TMEM8B: variants seen among roughly 807,000 people sequenced by gnomAD.
The protein encoded by TMEM8B is transmembrane protein 8B.
A neutral mutation model predicts 49.3 loss-of-function variants in TMEM8B; 29 were observed. That is an observed-to-expected ratio of 0.59 (90% CI 0.44 to 0.80). The LOEUF (loss-of-function observed/expected upper bound fraction) is 0.80, where lower values mean the gene tolerates loss of function less well. Ranked by LOEUF, TMEM8B falls within the 30% of genes least tolerant of loss-of-function variation. The pLI, the probability that TMEM8B is intolerant of heterozygous loss-of-function variation, is 0.00. For missense variants in TMEM8B, 575 were observed against 658.5 expected (o/e 0.87, Z 1.39); for synonymous variants, 264 against 272.8 (o/e 0.97, Z 0.32).
At chr9:35,851,721 A>T (rs1396767899) in intron 10 of TMEM8B, among the ~76,000 whole-genome samples, 3 of 152,200 alleles carry the variant, frequency 2.0e-5, no homozygotes, top group Admixed American at 6.5e-5. Flanking sequence ...AAAGGAATCA[A>T]ACCCAAAGTT....
At position 35,841,547 on chromosome 9, in the gene TMEM8B, T is replaced by C. The variant is rs1009178867; in HGVS notation, c.1062T>C (p.Thr354=). 2.4e-6 allele frequency: 1 copy of C among 416,960 alleles called. No individual in the cohort carries two copies. Among genetic ancestry groups the C allele is most frequent in the Non-Finnish European group, 4.4e-6 (1 of 227,174 alleles). The allele number at this position is 416,960 out of a possible 1,614,324, so 25.8% of individuals were successfully genotyped here. The change falls in exon 5 of 13, where the codon ACT becomes ACC. Residue 354 remains threonine (T), a synonymous_variant. Transcript: ENST00000643932. This position sits in a 1 kb window ranked among gnomAD's most constrained non-coding sequence, Gnocchi z 5.9. The part of the protein sequence containing the change: ...ALYKVFVPSF[T]YRVSAQLVCV... ...CCAGGGTCTTTGTGCCCAGCTTCACTTACAGGGTTTCAGCACAGCTGGTGT... is the reference window on the plus strand; with the variant it reads ...CCAGGGTCTTTGTGCCCAGCTTCACCTACAGGGTTTCAGCACAGCTGGTGT...
intron 1 of TMEM8B, chr9:35,833,249 G>T: frequency 2.2e-6 from 2 of 921,128 alleles, no homozygotes; most frequent in Non-Finnish European, 2.6e-6. Flanking sequence ...TTCCTGCTTG[G>T]CTGAAAATGC....
Position 35,861,758 on chromosome 9 carries a change from C to G in TMEM8B, c.*7918C>G, listed in dbSNP as rs974656391. On this transcript the variant is annotated 3_prime_UTR_variant, in exon 13 of 13. Transcript: ENST00000643932. ...GTGCTGCCCCGGGGGGTGCAATGACCTGTTACTGAGGCTGGATGGAGGATG... is the reference window on the plus strand; with the variant it reads ...GTGCTGCCCCGGGGGGTGCAATGACGTGTTACTGAGGCTGGATGGAGGATG... 3.9e-5 allele frequency: 6 copies of G among 152,362 alleles called. No individual in the cohort carries two copies. The highest frequency in any genetic ancestry group is 4.8e-5 in the African/African-American group (2 of 41,568). The allele number at this position is 152,362 out of a possible 1,614,324, so 9.4% of individuals were successfully genotyped here.
chr9:35,845,834 G>T, intron 6 of TMEM8B, 141 bp from the exon 7 acceptor site: 1 of 1,541,900 alleles, frequency 6.5e-7, no homozygotes, highest in South Asian at 1.2e-5. Context: ...ATGGAGGTGA[G>T]AGAGCAGCTT....
At position 35,840,543 on chromosome 9, in the gene TMEM8B, C is replaced by G. The variant is rs75094094; in HGVS notation, c.907-591C>G. On this transcript the variant is annotated intron_variant, in intron 3 of 12. Coordinates refer to ENST00000643932, the MANE Select transcript of TMEM8B (RefSeq NM_001042590.4). ...GTTGCCTGGGAAGTAATGAGTGGCCCTGCACTCATTACCTGTGTAGGGCCG... is the reference window on the plus strand; with the variant it reads ...GTTGCCTGGGAAGTAATGAGTGGCCGTGCACTCATTACCTGTGTAGGGCCG... Among the ~76,000 whole-genome samples, 783 of 152,154 alleles carry G rather than the reference C, an allele frequency of 5.1e-3. 6 individuals are homozygous for G. The highest frequency in any genetic ancestry group is 0.018 in the African/African-American group (740 of 41,508).
At chr9:35,834,945 T>C (rs2236291) in intron 2 of TMEM8B, 66 bp from the exon 3 acceptor site, 4 of 415,102 alleles carry the variant, frequency 9.6e-6, no homozygotes, top group African/African-American at 8.2e-5. Context: ...CTTTTCTTTC[T>C]TTCTTTCATT....
chr9:35,838,607 A>C (rs1240315473), intron 3 of TMEM8B, among the ~76,000 whole-genome samples: 2 of 152,166 alleles, frequency 1.3e-5, no homozygotes, highest in East Asian at 3.9e-4. Flanking sequence ...CCCACTGCTT[A>C]CTTGACATCT....
intron 1 of TMEM8B, among the ~76,000 whole-genome samples, chr9:35,830,626 G>A (rs1383505551): frequency 6.6e-6 from 1 of 150,474 alleles, no homozygotes; most frequent in African/African-American, 2.5e-5. Context: ...TAGAAAAAAG[G>A]TTTCCTAATT....
At chr9:35,844,927 C>T (rs2132327210) in intron 6 of TMEM8B, among the ~76,000 whole-genome samples, 1 of 152,056 alleles carries the variant, frequency 6.6e-6, no homozygotes, top group South Asian at 2.1e-4. Flanking sequence ...TTTTTTTCTC[C>T]CCTTGGATCA....
rs1832388986 is a variant in TMEM8B, at chr9:35,853,898, G to A, written c.*58G>A. 2 of 1,487,276 alleles carry A rather than the reference G, an allele frequency of 1.3e-6. No individual in the cohort carries two copies. Among genetic ancestry groups the A allele is most frequent in the African/African-American group, 1.4e-5 (1 of 71,384 alleles). The allele number at this position is 1,487,276 out of a possible 1,614,324, so 92.1% of individuals were successfully genotyped here. ...GAATGCTTCCTAGAGTTCTTTCTGGGGGTGTGGAGCCCTCTTAGAAGGAGA... is the reference window on the plus strand; with the variant it reads ...GAATGCTTCCTAGAGTTCTTTCTGGAGGTGTGGAGCCCTCTTAGAAGGAGA... On this transcript the variant is annotated 3_prime_UTR_variant, in exon 13 of 13. Coordinates refer to ENST00000643932, the MANE Select transcript of TMEM8B (RefSeq NM_001042590.4). This position sits in a 1 kb window ranked among gnomAD's most constrained non-coding sequence, Gnocchi z 4.2.
chr9:35,837,985 T>G (rs1830602789), intron 3 of TMEM8B, among the ~76,000 whole-genome samples: 1 of 151,972 alleles, frequency 6.6e-6, no homozygotes, highest in African/African-American at 2.4e-5. Context: ...TGTCTAAGAT[T>G]TGAAAAAGTA....
intron 6 of TMEM8B, among the ~76,000 whole-genome samples, chr9:35,844,210 T>G (rs1831289583): frequency 6.6e-6 from 1 of 152,268 alleles, no homozygotes; most frequent in Non-Finnish European, 1.5e-5. Context: ...ATGGAAGAAT[T>G]TATGTCCCTC....
In TMEM8B at chr9:35,855,126, C is replaced by T. The variant is rs1832469840; in HGVS notation, c.*1286C>T. ...TAAGGTTCTCTCTGCCACTTCTGGG[C>T]CATATGTGGAGACCCGTAAAGTTGT... On this transcript the variant is annotated 3_prime_UTR_variant, in exon 13 of 13. Coordinates refer to ENST00000643932, the MANE Select transcript of TMEM8B (RefSeq NM_001042590.4). 1 of 152,184 alleles carries T rather than the reference C, an allele frequency of 6.6e-6. No individual in the cohort carries two copies. Among genetic ancestry groups the T allele is most frequent in the African/African-American group, 2.4e-5 (1 of 41,442 alleles). The allele number at this position is 152,184 out of a possible 1,614,324, so 9.4% of individuals were successfully genotyped here.
chr9:35,843,910 G>A (rs756542063), intron 6 of TMEM8B, among the ~76,000 whole-genome samples: 9 of 151,990 alleles, frequency 5.9e-5, no homozygotes, highest in Non-Finnish European at 1.2e-4. Flanking sequence ...TTACAGGAGT[G>A]CACCACCACA....
chr9:35,850,409 C>T (rs1057321296), intron 10 of TMEM8B, among the ~76,000 whole-genome samples: 1 of 152,090 alleles, frequency 6.6e-6, no homozygotes, highest in African/African-American at 2.4e-5. Context: ...GTCACTTCTA[C>T]TTCTTTTTAT....
At chr9:35,838,041 G>A (rs1468608187) in intron 3 of TMEM8B, among the ~76,000 whole-genome samples, 2 of 152,184 alleles carry the variant, frequency 1.3e-5, no homozygotes, top group Non-Finnish European at 1.5e-5. Flanking sequence ...GAAGTCGACT[G>A]TACAGGAGAA....
chr9:35,837,737 G>A lies in TMEM8B; in HGVS notation c.906+2519G>A, dbSNP rs569602388. Reference sequence around the variant, plus strand: ...TCCAGTGCAGAGTCTGGCACATGATGCCTTTTCACGTCCTTTCCTTGTCCC... The same window carrying A: ...TCCAGTGCAGAGTCTGGCACATGATACCTTTTCACGTCCTTTCCTTGTCCC... On this transcript the variant is annotated intron_variant, in intron 3 of 12. Coordinates refer to ENST00000643932, the MANE Select transcript of TMEM8B (RefSeq NM_001042590.4). 1.9e-4 allele frequency among the ~76,000 whole-genome samples: 29 copies of A among 152,270 alleles called. No individual in the cohort carries two copies. The East Asian group carries it at 2.1e-3, about 11-fold the overall frequency.
rs1184435491 is a variant in TMEM8B at position 35,841,291 on chromosome 9, T to A, written c.1040+24T>A. The A allele has an allele frequency of 2.4e-6, 1 of 416,216 alleles. No individual in the cohort carries two copies. The allele number at this position is 416,216 out of a possible 1,614,324, so 25.8% of individuals were successfully genotyped here. The stretch of plus-strand genomic sequence containing the variant: ...AAGTAAGTCAAAGACTCCCCACACC[T>A]GGTCCTTTCCCTCTTCTGTGGCCTC... On this transcript the variant is annotated intron_variant, in intron 4 of 12. Transcript: ENST00000643932. The surrounding 1 kb of genome is among the most constrained non-coding windows in gnomAD (Gnocchi z 5.9).
chr9:35,839,519 C>T (rs759672359), intron 3 of TMEM8B, among the ~76,000 whole-genome samples: 3 of 152,156 alleles, frequency 2.0e-5, no homozygotes, highest in South Asian at 2.1e-4. Context: ...TGGCTGTGCA[C>T]GTTACACAGT....
Sources: allele counts gnomAD v4.1 joint callset (sites outside exome capture counted in the v4.1 genomes callset), GRCh38; gene constraint gnomAD v4.1.1; non-coding constraint Gnocchi (gnomAD v3.1); transcripts MANE v1.5; gene names NCBI Gene and HGNC (gene_info 2026-07-23, HGNC 2026-07-21).